The following TBC1D22A variants were observed in gnomAD, a reference collection of about 807,000 sequenced individuals.
TBC1D22A encodes TBC1 domain family member 22A.
In TBC1D22A, 38 loss-of-function variants were observed where a neutral mutation model predicts 60.2. The ratio of observed to expected loss-of-function variants is 0.63; its 90% CI spans 0.49 to 0.83. The LOEUF is 0.83. Among genes scored for constraint, TBC1D22A ranks in the 40% least tolerant of loss-of-function variants. TBC1D22A has a pLI of 0.00. For missense variants in TBC1D22A, 628 were observed against 701.0 expected (o/e 0.90, Z 1.18); for synonymous variants, 302 against 281.7 (o/e 1.07, Z -0.72).
At chr22:47,093,334 A>G (rs377031473) in intron 11 of TBC1D22A, among the ~76,000 whole-genome samples, 4 of 152,100 alleles carry the variant, frequency 2.6e-5, no homozygotes, top group African/African-American at 9.7e-5. Flanking sequence ...CCCTTGCTAA[A>G]ATATGTAAAT....
chr22:47,012,628 C>T (rs2061786486), intron 10 of TBC1D22A, among the ~76,000 whole-genome samples: 1 of 152,204 alleles, frequency 6.6e-6, no homozygotes, highest in South Asian at 2.1e-4. Context: ...AATTTCAGCT[C>T]ATTTTAAGGT....
intron 11 of TBC1D22A, among the ~76,000 whole-genome samples, chr22:47,087,812 A>C (rs1355044837): frequency 6.6e-6 from 1 of 151,892 alleles, no homozygotes; most frequent in Non-Finnish European, 1.5e-5. Context: ...GTGGTGGCTC[A>C]TGCCTGTAAT....
intron 12 of TBC1D22A, among the ~76,000 whole-genome samples, chr22:47,156,712 C>T (rs1220728669): frequency 6.6e-6 from 1 of 152,160 alleles, no homozygotes; most frequent in African/African-American, 2.4e-5. Context: ...GTCTCCCTCC[C>T]CGGGCTGGGT....
At chr22:46,896,735 C>T (rs1054904476) in intron 7 of TBC1D22A, among the ~76,000 whole-genome samples, 9 of 152,324 alleles carry the variant, frequency 5.9e-5, no homozygotes, top group South Asian at 2.1e-4. Context: ...AGCTTCATGA[C>T]GTCCTCCTAC....
chr22:47,124,813 T>C (rs965773044), intron 12 of TBC1D22A, among the ~76,000 whole-genome samples: 1 of 151,564 alleles, frequency 6.6e-6, no homozygotes, highest in Non-Finnish European at 1.5e-5. Flanking sequence ...GGTCCGCCAG[T>C]CTGAGCACAG....
intron 5 of TBC1D22A, among the ~76,000 whole-genome samples, chr22:46,886,692 C>T (rs764411846): frequency 5.3e-5 from 8 of 152,142 alleles, no homozygotes; most frequent in Non-Finnish European, 7.3e-5. Context: ...CATAGAAATG[C>T]GTATGATGGA....
chr22:46,766,458 CCTCAT>C (rs2083290571), intron 1 of TBC1D22A, among the ~76,000 whole-genome samples: 1 of 152,088 alleles, frequency 6.6e-6, no homozygotes, highest in African/African-American at 2.4e-5. Context: ...TGAGTGCAGC[CCTCAT>C]CTCAAGGAAA....
At chr22:47,151,854 C>T (rs1195901704) in intron 12 of TBC1D22A, among the ~76,000 whole-genome samples, 5 of 152,212 alleles carry the variant, frequency 3.3e-5, no homozygotes, top group South Asian at 2.1e-4. Context: ...GACCCCTTCG[C>T]GGTGTGGACG....
At chr22:47,155,336 A>G (rs1200054045) in intron 12 of TBC1D22A, among the ~76,000 whole-genome samples, 2 of 152,146 alleles carry the variant, frequency 1.3e-5, no homozygotes, top group Non-Finnish European at 2.9e-5. Flanking sequence ...CGGGCTGGCC[A>G]GCTCTGGCAG....
intron 11 of TBC1D22A, among the ~76,000 whole-genome samples, chr22:47,044,577 C>T (rs941754033): frequency 6.6e-6 from 1 of 152,204 alleles, no homozygotes; most frequent in African/African-American, 2.4e-5. Flanking sequence ...AAGCTGGTCT[C>T]CGTACATTGT....
At chr22:46,769,224 C>T (rs1457243355) in intron 1 of TBC1D22A, among the ~76,000 whole-genome samples, 2 of 152,184 alleles carry the variant, frequency 1.3e-5, no homozygotes, top group African/African-American at 4.8e-5. Flanking sequence ...CTCTGACAGC[C>T]TTCAGCTTAC....
intron 12 of TBC1D22A, among the ~76,000 whole-genome samples, chr22:47,147,150 C>T (rs560060350): frequency 2.6e-5 from 4 of 152,306 alleles, no homozygotes; most frequent in South Asian, 2.1e-4. Context: ...CGGCGGGTGG[C>T]GGGCACTGTC....
At chr22:46,852,461 A>G (rs2087332431) in intron 4 of TBC1D22A, among the ~76,000 whole-genome samples, 1 of 152,186 alleles carries the variant, frequency 6.6e-6, no homozygotes, top group Admixed American at 6.5e-5. Flanking sequence ...TATGAGACTT[A>G]CGGAATCTTC....
rs1008006208 is a variant in TBC1D22A, at chr22:47,003,248, A to G, written c.1201+5539A>G. On this transcript the variant is annotated intron_variant, in intron 10 of 12. Coordinates refer to ENST00000337137, the MANE Select transcript of TBC1D22A (RefSeq NM_014346.5). Reference sequence around the variant, plus strand: ...TTCTGTATTTATCTGGTAATCCTCCAGGGGTGAGTTCTGAGTGGGGTGAAG... The same window carrying G: ...TTCTGTATTTATCTGGTAATCCTCCGGGGGTGAGTTCTGAGTGGGGTGAAG... Among the ~76,000 whole-genome samples, 3 of 152,088 alleles carry G rather than the reference A, an allele frequency of 2.0e-5. No individual in the cohort carries two copies. The South Asian group carries it at 6.2e-4, about 31-fold the overall frequency.
chr22:47,025,905 G>T (rs1314968752), intron 10 of TBC1D22A, among the ~76,000 whole-genome samples: 1 of 152,158 alleles, frequency 6.6e-6, no homozygotes, highest in Non-Finnish European at 1.5e-5. Flanking sequence ...ATAGTGCTGA[G>T]TGTGTGAGAA....
chr22:46,956,608 T>C lies in TBC1D22A; in HGVS notation c.1016-17682T>C, dbSNP rs1373560955. Among the ~76,000 whole-genome samples the C allele has an allele frequency of 5.3e-5, 8 of 152,272 alleles. No homozygotes were observed. The East Asian group carries it at 1.5e-3, about 29-fold the overall frequency. On this transcript the variant is annotated intron_variant, in intron 8 of 12. Transcript: ENST00000337137. ...CAGCTCTGAGTTGAAGGCGTTGTGC[T>C]GGGATGTGTAGTGCCCTGTCAAGCC...
At chr22:46,866,430 A>G (rs2067059497) in intron 4 of TBC1D22A, among the ~76,000 whole-genome samples, 1 of 152,204 alleles carries the variant, frequency 6.6e-6, no homozygotes. Context: ...TTGATTGGGT[A>G]TTGAGAGAGT....
intron 7 of TBC1D22A, among the ~76,000 whole-genome samples, chr22:46,897,640 G>GTTTTTTTGTTTTTTTT (rs1569189469): frequency 7.4e-5 from 8 of 108,396 alleles, no homozygotes; most frequent in African/African-American, 3.4e-4. Context: ...GTTTCGTTTT[G>GTTTTTTTGTTTTTTTT]TTTTTTTTTG....
At chr22:47,117,810 G>T (rs1293086752) in intron 12 of TBC1D22A, among the ~76,000 whole-genome samples, 1 of 152,188 alleles carries the variant, frequency 6.6e-6, no homozygotes, top group Non-Finnish European at 1.5e-5. Flanking sequence ...GAAAGTTTAA[G>T]CATATTTAGT....
Sources: allele counts gnomAD v4.1 joint callset (sites outside exome capture counted in the v4.1 genomes callset), GRCh38; gene constraint gnomAD v4.1.1; transcripts MANE v1.5; gene names NCBI Gene and HGNC (gene_info 2026-07-23, HGNC 2026-07-21).